Variants in GFRA2 observed in about 807,000 individuals in gnomAD.
The protein encoded by GFRA2 is GDNF family receptor alpha 2, also known as GDNF family receptor alpha-2.
In GFRA2, 17 loss-of-function variants were observed where a neutral mutation model predicts 48.3. The ratio of observed to expected loss-of-function variants is 0.35; its 90% CI spans 0.24 to 0.53. The LOEUF is 0.53. GFRA2 is among the 20% of genes least tolerant of loss of function. The probability of loss-of-function intolerance (pLI) is 0.93; values close to 1 mark genes in which losing one functional copy is unlikely to be tolerated. For synonymous variants in GFRA2, 305 were observed against 257.2 expected, an observed-to-expected ratio of 1.19 and a Z score of -1.78; for missense variants, 660 against 637.3, an observed-to-expected ratio of 1.04 and a Z score of -0.38.
At chr8:21,724,479 T>C (rs1359502843) in intron 4 of GFRA2, among the ~76,000 whole-genome samples, 1 of 152,136 alleles carries the variant, frequency 6.6e-6, no homozygotes, top group Non-Finnish European at 1.5e-5. Flanking sequence ...ATTCCTTGAA[T>C]GGCCATTTGA....
intron 3 of GFRA2, among the ~76,000 whole-genome samples, chr8:21,774,571 G>A (rs376098615): frequency 7.9e-5 from 12 of 152,300 alleles, no homozygotes; most frequent in East Asian, 1.9e-4. Flanking sequence ...CAATGAGGTC[G>A]GTACGGTACT....
At chr8:21,707,572 C>T (rs1585235338) in intron 4 of GFRA2, among the ~76,000 whole-genome samples, 1 of 152,190 alleles carries the variant, frequency 6.6e-6, no homozygotes, top group Non-Finnish European at 1.5e-5. Flanking sequence ...GGATGTGCCC[C>T]AGGACCCTGC....
At chr8:21,702,098 T>C (rs1802510976) in intron 7 of GFRA2, among the ~76,000 whole-genome samples, 1 of 152,180 alleles carries the variant, frequency 6.6e-6, no homozygotes, top group African/African-American at 2.4e-5. Flanking sequence ...AATTGAGCAG[T>C]TGTCTGCAGA....
intron 4 of GFRA2, among the ~76,000 whole-genome samples, chr8:21,724,318 C>T (rs1430217983): frequency 6.6e-6 from 1 of 152,088 alleles, no homozygotes; most frequent in Admixed American, 6.5e-5. Context: ...GACTTTCATC[C>T]AGACATTGCT....
intron 3 of GFRA2, among the ~76,000 whole-genome samples, chr8:21,760,762 T>G (rs1563253065): frequency 2.0e-5 from 3 of 152,056 alleles, no homozygotes; most frequent in Non-Finnish European, 4.4e-5. Flanking sequence ...AGGTTGGGGA[T>G]GAGAACAAAG....
intron 3 of GFRA2, among the ~76,000 whole-genome samples, chr8:21,770,595 T>A (rs919761172): frequency 6.6e-6 from 1 of 152,176 alleles, no homozygotes; most frequent in Non-Finnish European, 1.5e-5. Flanking sequence ...GGATGCCCCA[T>A]GCCCAAGCCT....
chr8:21,740,388 A>T (rs1466416196), intron 4 of GFRA2, among the ~76,000 whole-genome samples: 2 of 152,166 alleles, frequency 1.3e-5, no homozygotes. Flanking sequence ...AGCCCCGATC[A>T]GGTTTCCGTA....
At chr8:21,747,429 C>T (rs930241922) in intron 4 of GFRA2, among the ~76,000 whole-genome samples, 2 of 152,136 alleles carry the variant, frequency 1.3e-5, no homozygotes, top group African/African-American at 4.8e-5. Context: ...CATCTTCAAT[C>T]GCCTCAATCG....
Position 21,788,223 on chromosome 8 carries a change from C to A in GFRA2, c.-64G>T. On this transcript the variant is annotated 5_prime_UTR_variant, in exon 1 of 9. Coordinates refer to ENST00000524240, the MANE Select transcript of GFRA2 (RefSeq NM_001495.5). ...GGGTAAAAAAAAATAATAGTAGTAA[C>A]AACAACAATAATAATAGGCAAGCAG... 6.3e-7 allele frequency: 1 copy of A among 1,582,560 alleles called. No homozygotes were observed. Among genetic ancestry groups the A allele is most frequent in the East Asian group, 2.4e-5 (1 of 41,950 alleles).
intron 2 of GFRA2, among the ~76,000 whole-genome samples, chr8:21,778,957 T>C (rs1280450589): frequency 6.6e-6 from 1 of 151,944 alleles, no homozygotes; most frequent in Non-Finnish European, 1.5e-5. Context: ...TCCCACCACT[T>C]TGGTAGGCCG....
intron 4 of GFRA2, among the ~76,000 whole-genome samples, chr8:21,706,789 T>C (rs1461919618): frequency 3.3e-5 from 5 of 152,200 alleles, no homozygotes; most frequent in Admixed American, 3.3e-4. Flanking sequence ...CACTGGGCCA[T>C]GAGCCACTTG....
At chr8:21,710,786 C>A (rs367823051) in intron 4 of GFRA2, among the ~76,000 whole-genome samples, 3 of 152,346 alleles carry the variant, frequency 2.0e-5, no homozygotes, top group East Asian at 3.9e-4. Flanking sequence ...GCAAAGCGTA[C>A]GGCAAAGTGA....
At chr8:21,696,045 C>T (rs60544386) in intron 7 of GFRA2, among the ~76,000 whole-genome samples, 16,765 of 146,180 alleles carry the variant, frequency 0.11, 1,978 homozygotes, top group African/African-American at 0.28. Context: ...GGAGCCCTCT[C>T]CTTTGTCCCC....
intron 4 of GFRA2, among the ~76,000 whole-genome samples, chr8:21,730,423 C>T (rs1804128739): frequency 6.6e-6 from 1 of 151,944 alleles, no homozygotes; most frequent in Non-Finnish European, 1.5e-5. Context: ...ACAGGTTACC[C>T]ATCCTCTCGC....
chr8:21,733,240 C>G (rs1804287085), intron 4 of GFRA2, among the ~76,000 whole-genome samples: 1 of 152,096 alleles, frequency 6.6e-6, no homozygotes. Context: ...ACTCCTGATC[C>G]ACGCAGACCC....
At chr8:21,773,591 A>G (rs969675307) in intron 3 of GFRA2, among the ~76,000 whole-genome samples, 13 of 152,252 alleles carry the variant, frequency 8.5e-5, no homozygotes, top group African/African-American at 3.1e-4. Flanking sequence ...ACAATGGTTT[A>G]TGGTCCTCCA....
intron 1 of GFRA2, among the ~76,000 whole-genome samples, chr8:21,786,187 T>A (rs1355483257): frequency 1.3e-5 from 2 of 152,126 alleles, no homozygotes; most frequent in African/African-American, 4.8e-5. Flanking sequence ...GCCTCTCTGG[T>A]CATCTCCCAT....
intron 1 of GFRA2, among the ~76,000 whole-genome samples, chr8:21,785,984 C>G (rs1807249585): frequency 6.6e-6 from 1 of 152,246 alleles, no homozygotes; most frequent in African/African-American, 2.4e-5. Context: ...CAACCCATCC[C>G]TTCCTTTCCA....
intron 5 of GFRA2, 101 bp downstream of exon 5, chr8:21,705,831 G>T: frequency 1.4e-6 from 1 of 725,578 alleles, no homozygotes; most frequent in South Asian, 1.8e-5. Flanking sequence ...CCGGGCTCAG[G>T]CTGTCTCCCC....
Sources: allele counts gnomAD v4.1 joint callset (sites outside exome capture counted in the v4.1 genomes callset), GRCh38; gene constraint gnomAD v4.1.1; transcripts MANE v1.5; gene names NCBI Gene and HGNC (gene_info 2026-07-23, HGNC 2026-07-21).